Variants in IGFBP3 observed in about 807,000 individuals in gnomAD.
IGFBP3 encodes insulin like growth factor binding protein 3.
Under a neutral mutation model 28.6 loss-of-function variants are expected in IGFBP3, and 9 were observed. That is an observed-to-expected ratio of 0.31 (90% CI 0.19 to 0.55). IGFBP3 has a LOEUF of 0.55. IGFBP3 is among the 20% of genes least tolerant of loss of function. The pLI is 0.93. For missense variants in IGFBP3, 382 were observed against 428.9 expected (o/e 0.89, Z 0.97); for synonymous variants, 185 against 188.2 (o/e 0.98, Z 0.14).
chr7:45,916,536 G>A lies in IGFBP3; in HGVS notation c.750+12C>T, dbSNP rs769158122. ...CAGAAGAGGAAGAAAACACACTGAGGACCTCACTCACCTGCTTTTTCTTAT... is the reference window on the plus strand; with the variant it reads ...CAGAAGAGGAAGAAAACACACTGAGAACCTCACTCACCTGCTTTTTCTTAT... On this transcript the variant is annotated intron_variant, in intron 3 of 4. Coordinates refer to ENST00000613132, the MANE Select transcript of IGFBP3 (RefSeq NM_000598.5). The A allele has an allele frequency of 5.6e-6, 9 of 1,608,040 alleles. No individual in the cohort carries two copies. The highest frequency in any genetic ancestry group is 7.7e-6 in the Non-Finnish European group (9 of 1,175,214).
rs997305847 is a variant in IGFBP3, at chr7:45,921,003, A to G, written c.138T>C (p.Arg46=). 3.2e-5 allele frequency: 44 copies of G among 1,387,752 alleles called. No homozygotes were observed. The Middle Eastern group carries it at 1.0e-3, about 33-fold the overall frequency. 86.0% of individuals were successfully genotyped at this position (1,387,752 alleles called of 1,614,324 possible). Residue 46 remains arginine, a synonymous_variant, in exon 1 of 5, where the codon CGT becomes CGC. Transcript: ENST00000613132. Reference sequence around the variant, plus strand: ...GCGGAGGCGCGCACTGGGCCAGTGCACGCGCGTCGCACGGCTCGCAGCGCA... The same window carrying G: ...GCGGAGGCGCGCACTGGGCCAGTGCGCGCGCGTCGCACGGCTCGCAGCGCA... ...PVVRCEPCDA[R]ALAQCAPPPA...
Position 45,921,209 on chromosome 7 carries a change from C to G in IGFBP3, c.-69G>C. The G allele has an allele frequency of 6.8e-7, 1 of 1,473,444 alleles. No individual in the cohort carries two copies. Among genetic ancestry groups the G allele is most frequent in the Non-Finnish European group, 9.1e-7 (1 of 1,100,678 alleles). 91.3% of individuals were successfully genotyped at this position (1,473,444 alleles called of 1,614,324 possible). On this transcript the variant is annotated 5_prime_UTR_variant, in exon 1 of 5. Transcript: ENST00000613132. ...AGGGATGGGGCGACAGTACACGGCG[C>G]GAAGCTGTGGAATCCAGGCAGGAAG...
chr7:45,920,827 T>C lies in IGFBP3; in HGVS notation c.314A>G (p.Gln105Arg). The change falls in exon 1 of 5, where the codon CAG (glutamine) becomes CGG (arginine). Residue 105 changes from glutamine to arginine, a missense_variant. Physicochemically the swap from Gln to Arg is conservative, Grantham distance 43. Transcript: ENST00000613132. The stretch of plus-strand genomic sequence containing the variant: ...GAGCCCGCGGCCGTCCAGCAGCGCC[T>C]GCAGCGGTCGCGCCTCGTCGGGCGA... ...QPSPDEARPL[Q>R]ALLDGRGLCV... 7.1e-7 allele frequency: 1 copy of C among 1,408,074 alleles called. No homozygotes were observed. The allele number at this position is 1,408,074 out of a possible 1,614,324, so 87.2% of individuals were successfully genotyped here. A position where few individuals can be genotyped will look rare whatever the true frequency, so the allele number is the denominator to read the frequency against.
chr7:45,921,242 T>A lies in IGFBP3; in HGVS notation c.-102A>T. On this transcript the variant is annotated 5_prime_UTR_variant, in exon 1 of 5. Transcript: ENST00000613132. ...TGGAATCCAGGCAGGAAGCGGCTGA[T>A]CCTCAGCGCCCAGCCGCAGTGCTCG... 4 of 1,349,212 alleles carry A rather than the reference T, an allele frequency of 3.0e-6. No individual in the cohort carries two copies. Among genetic ancestry groups the A allele is most frequent in the Non-Finnish European group, 4.0e-6 (4 of 992,234 alleles). The allele number at this position is 1,349,212 out of a possible 1,614,324, so 83.6% of individuals were successfully genotyped here. A position where few individuals can be genotyped will look rare whatever the true frequency, so the allele number is the denominator to read the frequency against.
chr7:45,919,399 G>C (rs895526906), intron 1 of IGFBP3, among the ~76,000 whole-genome samples: 4 of 152,160 alleles, frequency 2.6e-5, no homozygotes, highest in Non-Finnish European at 4.4e-5. Context: ...ACTTTGCCCC[G>C]AGAGACAAAT....
At position 45,921,267 on chromosome 7, in the gene IGFBP3, G is replaced by T; in HGVS notation, c.-127C>A. ...TCCTCAGCGCCCAGCCGCAGTGCTC[G>T]CATCTGGGCGGCCCGGGCGCGCCGG... On this transcript the variant is annotated 5_prime_UTR_variant, in exon 1 of 5. Transcript: ENST00000613132. 3.4e-6 allele frequency: 4 copies of T among 1,170,114 alleles called. No homozygotes were observed. The highest frequency in any genetic ancestry group is 4.8e-6 in the Non-Finnish European group (4 of 833,132). 72.5% of individuals were successfully genotyped at this position (1,170,114 alleles called of 1,614,324 possible).
Position 45,921,015 on chromosome 7 carries a change from C to T in IGFBP3, c.126G>A (p.Pro42=). 1 of 1,395,410 alleles carries T rather than the reference C, an allele frequency of 7.2e-7. No homozygotes were observed. The highest frequency in any genetic ancestry group is 9.2e-7 in the Non-Finnish European group (1 of 1,083,568). The allele number at this position is 1,395,410 out of a possible 1,614,324, so 86.4% of individuals were successfully genotyped here. The part of the protein sequence containing the change: ...AGLGPVVRCE[P]CDARALAQCA... The stretch of plus-strand genomic sequence containing the variant: ...ACTGGGCCAGTGCACGCGCGTCGCA[C>T]GGCTCGCAGCGCACCACGGGACCCA... The change falls in exon 1 of 5, where the codon CCG becomes CCA. Residue 42 remains proline, a synonymous_variant. Coordinates refer to ENST00000613132, the MANE Select transcript of IGFBP3 (RefSeq NM_000598.5).
In IGFBP3 at chr7:45,914,918, C is replaced by A. The variant is rs1784588902; in HGVS notation, c.778G>T (p.Gly260Cys). The change falls in exon 4 of 5, where the codon GGC (glycine) becomes TGC (cysteine). Residue 260 changes from glycine (G) to cysteine (C), a missense_variant. Coordinates refer to ENST00000613132, the MANE Select transcript of IGFBP3 (RefSeq NM_000598.5). ...QCRPSKGRKRGFCWCVDKYGQ... is the reference protein window; with the variant it reads ...QCRPSKGRKRCFCWCVDKYGQ... ...TACTTATCCACACACCAGCAGAAGC[C>A]CCGCTTCCTGCCTTTGGAAGGGCGA... The A allele has an allele frequency of 6.2e-7, 1 of 1,614,046 alleles. No individual in the cohort carries two copies. The highest frequency in any genetic ancestry group is 1.7e-5 in the Admixed American group (1 of 60,004).
At chr7:45,918,500 T>C (rs1229827194) in intron 1 of IGFBP3, among the ~76,000 whole-genome samples, 1 of 152,222 alleles carries the variant, frequency 6.6e-6, no homozygotes, top group Non-Finnish European at 1.5e-5. Context: ...AAGACCGCTA[T>C]GGGGATCAAA....
rs1172008065 is a variant in IGFBP3, at chr7:45,917,360, A to C, written c.483T>G (p.Ser161=). 2.5e-6 allele frequency: 4 copies of C among 1,614,014 alleles called. No individual in the cohort carries two copies. In the African/African-American group the frequency reaches 5.3e-5, roughly 22 times the overall value. Residue 161 remains serine (S), a synonymous_variant, in exon 2 of 5, where the codon TCT becomes TCG. Coordinates refer to ENST00000613132, the MANE Select transcript of IGFBP3 (RefSeq NM_000598.5). Reference sequence around the variant, plus strand: ...AATGGAGGGGGTGGAACTTGGGATCAGACACCCGGTGCGTGCTGGAGACGG... The same window carrying C: ...AATGGAGGGGGTGGAACTTGGGATCCGACACCCGGTGCGTGCTGGAGACGG... The part of the protein sequence containing the change: ...SPSVSSTHRV[S]DPKFHPLHSK...
chr7:45,914,455 G>C (rs1784582103), intron 4 of IGFBP3: 1 of 163,358 alleles, frequency 6.1e-6, no homozygotes, highest in African/African-American at 2.4e-5. Context: ...TCTCTGTGAA[G>C]ATAAATGGAC....
At chr7:45,916,809 G>T (rs34508316) in intron 2 of IGFBP3, 142 bp from the exon 3 acceptor site, 20,228 of 854,960 alleles carry the variant, frequency 0.024, 1,575 homozygotes, top group Admixed American at 0.18. Flanking sequence ...GATGTAGCAC[G>T]AAAGTCCCCC....
rs1411301009 is a variant in IGFBP3, at chr7:45,921,258, G to A, written c.-118C>T. ...AGCGGCTGATCCTCAGCGCCCAGCCGCAGTGCTCGCATCTGGGCGGCCCGG... is the reference window on the plus strand; with the variant it reads ...AGCGGCTGATCCTCAGCGCCCAGCCACAGTGCTCGCATCTGGGCGGCCCGG... On this transcript the variant is annotated 5_prime_UTR_variant, in exon 1 of 5. Coordinates refer to ENST00000613132, the MANE Select transcript of IGFBP3 (RefSeq NM_000598.5). 3 of 1,228,756 alleles carry A rather than the reference G, an allele frequency of 2.4e-6. No individual in the cohort carries two copies. The highest frequency in any genetic ancestry group is 3.4e-6 in the Non-Finnish European group (3 of 884,086). The allele number at this position is 1,228,756 out of a possible 1,614,324, so 76.1% of individuals were successfully genotyped here.
Position 45,920,813 on chromosome 7 carries a change from C to A in IGFBP3, c.328G>T (p.Gly110Cys). Residue 110 changes from glycine to cysteine, a missense_variant, in exon 1 of 5, where the codon GGC (glycine) becomes TGC (cysteine). Gly to Cys is a radical substitution (Grantham distance 159, BLOSUM62 -3). Transcript: ENST00000613132. Reference protein sequence around the residue: ...EARPLQALLDGRGLCVNASAV... With the variant: ...EARPLQALLDCRGLCVNASAV... ...CTAGCGTTGACGCAGAGCCCGCGGC[C>A]GTCCAGCAGCGCCTGCAGCGGTCGC... 1 of 1,404,418 alleles carries A rather than the reference C, an allele frequency of 7.1e-7. No homozygotes were observed. The highest frequency in any genetic ancestry group is 1.5e-5 in the South Asian group (1 of 65,830). The allele number at this position is 1,404,418 out of a possible 1,614,324, so 87.0% of individuals were successfully genotyped here.
Position 45,914,795 on chromosome 7 carries a change from G to A in IGFBP3, c.*15+10C>T, listed in dbSNP as rs745810670. The A allele has an allele frequency of 1.2e-5, 19 of 1,612,804 alleles. No individual in the cohort carries two copies. The highest frequency in any genetic ancestry group is 1.5e-5 in the Non-Finnish European group (18 of 1,179,256). On this transcript the variant is annotated intron_variant, in intron 4 of 4. Coordinates refer to ENST00000613132, the MANE Select transcript of IGFBP3 (RefSeq NM_000598.5). ...CCTGGAGCCCCAGGCTGCCCCTCCT[G>A]AGTACTCACCCTTGCGGCAGGCGTC...
chr7:45,914,725 A>T, intron 4 of IGFBP3, 80 bp downstream of exon 4: 1 of 1,372,366 alleles, frequency 7.3e-7, no homozygotes, highest in African/African-American at 1.4e-5. Flanking sequence ...GGGAAGGGCC[A>T]GTGGCCACGC....
intron 4 of IGFBP3, 56 bp downstream of exon 4, chr7:45,914,749 C>T: frequency 4.5e-6 from 7 of 1,569,136 alleles, no homozygotes; most frequent in Non-Finnish European, 6.1e-6. Flanking sequence ...GCCCCTGAGG[C>T]TGGTCCAAGG....
intron 4 of IGFBP3, 89 bp downstream of exon 4, chr7:45,914,716 G>T: frequency 7.7e-7 from 1 of 1,304,890 alleles, no homozygotes; most frequent in Non-Finnish European, 1.1e-6. Flanking sequence ...GTAAGCCTGG[G>T]GAAGGGCCAG....
At position 45,921,134 on chromosome 7, in the gene IGFBP3, G is replaced by A. The variant is rs557254513; in HGVS notation, c.7C>T (p.Arg3Trp). The A allele has an allele frequency of 2.0e-6, 3 of 1,499,982 alleles. No homozygotes were observed. Among genetic ancestry groups the A allele is most frequent in the Non-Finnish European group, 2.7e-6 (3 of 1,130,196 alleles). 92.9% of individuals were successfully genotyped at this position (1,499,982 alleles called of 1,614,324 possible). A position where few individuals can be genotyped will look rare whatever the true frequency, so the allele number is the denominator to read the frequency against. The change falls in exon 1 of 5, where the codon CGG becomes TGG. Residue 3 changes from arginine to tryptophan, a missense_variant. Physicochemically the swap from Arg to Trp is moderately radical, Grantham distance 101. Coordinates refer to ENST00000613132, the MANE Select transcript of IGFBP3 (RefSeq NM_000598.5). ...GCGGCCCAGAGCGTGGGTCGCGCCCGCTGCATGACGCCTGCAACCGGGGCA... is the reference window on the plus strand; with the variant it reads ...GCGGCCCAGAGCGTGGGTCGCGCCCACTGCATGACGCCTGCAACCGGGGCA... Reference protein sequence around the residue: MQRARPTLWAAAL... With the variant: MQWARPTLWAAAL...
Sources: gnomAD v4.1 joint callset for allele counts (sites outside exome capture counted in the v4.1 genomes callset) on GRCh38, gnomAD v4.1.1 for gene constraint, MANE v1.5 for transcripts, NCBI Gene and HGNC (gene_info 2026-07-23, HGNC 2026-07-21) for gene names.